Variants in MGST3 observed in about 807,000 individuals in gnomAD.
MGST3 encodes the protein microsomal glutathione S-transferase 3.
A neutral mutation model predicts 15.8 loss-of-function variants in MGST3; 13 were observed. That is an observed-to-expected ratio of 0.82 (90% CI 0.54 to 1.31). The LOEUF is 1.31. Ranked by LOEUF, MGST3 falls within the 50% of genes most tolerant of loss-of-function variation. The pLI is 0.00. For synonymous variants in MGST3, 49 were observed against 68.1 expected (o/e 0.72, Z 1.38); for missense variants, 155 against 192.4 (o/e 0.81, Z 1.15).
chr1:165,635,540 T>A (rs1015473394), intron 1 of MGST3, among the ~76,000 whole-genome samples: 2 of 152,192 alleles, frequency 1.3e-5, no homozygotes, highest in Admixed American at 6.6e-5. Context: ...AGCATCCTGC[T>A]GATCTTCCCT....
chr1:165,641,254 C>T (rs1648258135), intron 1 of MGST3, among the ~76,000 whole-genome samples: 1 of 152,226 alleles, frequency 6.6e-6, no homozygotes, highest in Non-Finnish European at 1.5e-5. Flanking sequence ...CTCCTGTCAT[C>T]ATTCGAAGGT....
At position 165,649,285 on chromosome 1, in the gene MGST3, C is replaced by G. The variant is rs532583686; in HGVS notation, c.-7-556C>G. The G allele has an allele frequency of 7.0e-5, 11 of 156,520 alleles. No homozygotes were observed. In the South Asian group the frequency reaches 2.1e-3, roughly 30 times the overall value. 9.7% of individuals were successfully genotyped at this position (156,520 alleles called of 1,614,324 possible). On this transcript the variant is annotated intron_variant, in intron 1 of 5. Transcript: ENST00000367889. ...GTCCCCCATGTCTGAAGGCAAAAAA[C>G]TTGGAATCACTGTGCATATACTATT...
chr1:165,655,545 A>C lies in MGST3; in HGVS notation c.*41A>C, dbSNP rs1648685254. ...TAAAAACTCTCATTCATTTTAAATG[A>C]CTTACCTTTATTTCCAGTTACATTT... is the stretch of plus-strand genomic sequence containing the variant. On this transcript the variant is annotated 3_prime_UTR_variant, in exon 6 of 6. Coordinates refer to ENST00000367889, the MANE Select transcript of MGST3 (RefSeq NM_004528.4). 6.2e-7 allele frequency: 1 copy of C among 1,611,820 alleles called. No homozygotes were observed. The highest frequency in any genetic ancestry group is 1.7e-4 in the Middle Eastern group (1 of 6,012).
Position 165,655,745 on chromosome 1 carries a change from T to C in MGST3, c.*241T>C. The C allele has an allele frequency of 3.8e-6, 2 of 531,392 alleles. No individual in the cohort carries two copies. Among genetic ancestry groups the C allele is most frequent in the Non-Finnish European group, 6.7e-6 (2 of 298,094 alleles). 32.9% of individuals were successfully genotyped at this position (531,392 alleles called of 1,614,324 possible). A position where few individuals can be genotyped will look rare whatever the true frequency, so the allele number is the denominator to read the frequency against. ...CTCACCCTTCCAGCAGATGCTTCTG[T>C]AGTATGTGAGGTTGAGAAAAAGTCT... On this transcript the variant is annotated 3_prime_UTR_variant, in exon 6 of 6. Transcript: ENST00000367889.
chr1:165,642,554 T>C (rs945640705), intron 1 of MGST3, among the ~76,000 whole-genome samples: 6 of 152,210 alleles, frequency 3.9e-5, no homozygotes, highest in Non-Finnish European at 8.8e-5. Context: ...AACATCCCCG[T>C]TGAGTCAGGT....
intron 1 of MGST3, among the ~76,000 whole-genome samples, chr1:165,636,231 G>C (rs533942645): frequency 3.2e-4 from 48 of 152,074 alleles, no homozygotes; most frequent in Middle Eastern, 3.4e-3. Flanking sequence ...TTTTGAGGTG[G>C]GGTTTCACCA....
At chr1:165,632,371 T>C in intron 1 of MGST3, 1 of 1,339,436 alleles carries the variant, frequency 7.5e-7, no homozygotes, top group Non-Finnish European at 1.1e-6. Context: ...GGGAAATCTG[T>C]AGATCACCTG....
intron 1 of MGST3, among the ~76,000 whole-genome samples, chr1:165,638,726 T>C (rs1393763718): frequency 1.3e-5 from 2 of 150,160 alleles, no homozygotes; most frequent in Non-Finnish European, 2.9e-5. Context: ...GAGGTTGCAG[T>C]GAGCCAAGAT....
intron 1 of MGST3, among the ~76,000 whole-genome samples, chr1:165,633,409 C>T (rs1029485305): frequency 6.6e-6 from 1 of 152,246 alleles, no homozygotes. Context: ...CTGGAACTTG[C>T]GTTCTACGAT....
chr1:165,632,311 T>G (rs1245907695), intron 1 of MGST3: 2 of 1,609,970 alleles, frequency 1.2e-6, no homozygotes, highest in Admixed American at 3.3e-5. Flanking sequence ...TCCTGCGGAA[T>G]TGCTGCAGAT....
chr1:165,654,995 G>C (rs1003503074), intron 5 of MGST3, among the ~76,000 whole-genome samples: 6 of 152,086 alleles, frequency 3.9e-5, no homozygotes, highest in African/African-American at 1.4e-4. Flanking sequence ...AGTAAACTAG[G>C]AATCAAACCC....
At position 165,636,428 on chromosome 1, in the gene MGST3, T is replaced by C. The variant is rs111339614; in HGVS notation, c.-8+5135T>C. On this transcript the variant is annotated intron_variant, in intron 1 of 5. Coordinates refer to ENST00000367889, the MANE Select transcript of MGST3 (RefSeq NM_004528.4). ...TGTTTTAGTACGTATATACATTGTG[T>C]AATGAGCAAGAGGATTGCGTTTATG... is the stretch of plus-strand genomic sequence containing the variant. Among the ~76,000 whole-genome samples the C allele has an allele frequency of 3.9e-5, 6 of 152,282 alleles. 1 individual carries two copies. Among genetic ancestry groups the C allele is most frequent in the African/African-American group, 1.4e-4 (6 of 41,554 alleles).
intron 2 of MGST3, 114 bp from the exon 3 acceptor site, chr1:165,650,900 A>G: frequency 6.8e-6 from 6 of 887,686 alleles, no homozygotes; most frequent in Non-Finnish European, 1.1e-5. Flanking sequence ...ATGGTCATCT[A>G]TCAAGGGTGT....
chr1:165,655,386 G>A lies in MGST3; in HGVS notation c.341G>A (p.Arg114Gln), dbSNP rs755175792. Residue 114 changes from arginine (R) to glutamine (Q), a missense_variant, in exon 6 of 6, where the codon CGA becomes CAA. Physicochemically the swap from Arg to Gln is conservative, Grantham distance 43. Coordinates refer to ENST00000367889, the MANE Select transcript of MGST3 (RefSeq NM_004528.4). ...TTTTCAGAACCCAGCAAGCGTAGTC[G>A]AGGAGCCCTGGGGTCCATCGCCCTC... ...YYTGEPSKRSRGALGSIALLG... is the reference protein window; with the variant it reads ...YYTGEPSKRSQGALGSIALLG... 1.4e-5 allele frequency: 23 copies of A among 1,613,964 alleles called. No homozygotes were observed. Among genetic ancestry groups the A allele is most frequent in the Middle Eastern group, 1.7e-4 (1 of 6,060 alleles).
intron 2 of MGST3, chr1:165,650,537 T>C (rs1208469139): frequency 5.4e-6 from 1 of 186,122 alleles, no homozygotes; most frequent in Non-Finnish European, 1.1e-5. Context: ...TAGAGCTTCT[T>C]TTAAGTTTTT....
At chr1:165,642,813 C>T (rs1404848660) in intron 1 of MGST3, among the ~76,000 whole-genome samples, 1 of 152,186 alleles carries the variant, frequency 6.6e-6, no homozygotes, top group Non-Finnish European at 1.5e-5. Flanking sequence ...GTTCTGAATG[C>T]AGACAATTTG....
At chr1:165,651,952 T>C in intron 3 of MGST3, 26 bp from the exon 4 acceptor site, 1 of 1,572,714 alleles carries the variant, frequency 6.4e-7, no homozygotes, top group Non-Finnish European at 8.7e-7. Flanking sequence ...GGGCACTTTT[T>C]AAAAGTTTCT....
At chr1:165,634,226 A>C (rs1321957961) in intron 1 of MGST3, among the ~76,000 whole-genome samples, 2 of 152,152 alleles carry the variant, frequency 1.3e-5, no homozygotes, top group African/African-American at 4.8e-5. Context: ...ATATAGCAAA[A>C]GGCTGAGAGC....
chr1:165,639,065 A>G (rs1648197373), intron 1 of MGST3, among the ~76,000 whole-genome samples: 1 of 151,982 alleles, frequency 6.6e-6, no homozygotes. Context: ...CTCTTTGCAG[A>G]TGGTATGATC....
Sources: allele counts gnomAD v4.1 joint callset (sites outside exome capture counted in the v4.1 genomes callset), GRCh38; gene constraint gnomAD v4.1.1; transcripts MANE v1.5; gene names NCBI Gene and HGNC (gene_info 2026-07-23, HGNC 2026-07-21).